ZBTB7C: variants seen among roughly 807,000 people sequenced by gnomAD.
ZBTB7C encodes zinc finger and BTB domain containing 7C.
A neutral mutation model predicts 25.7 loss-of-function variants in ZBTB7C; 8 were observed. The ratio of observed to expected loss-of-function variants is 0.31; its 90% CI spans 0.18 to 0.56. The LOEUF (loss-of-function observed/expected upper bound fraction) is 0.56. Among genes scored for constraint, ZBTB7C ranks in the 20% least tolerant of loss-of-function variants. The pLI is 0.91. For synonymous variants in ZBTB7C, 394 were observed against 369.0 expected (o/e 1.07, Z -0.78); for missense variants, 824 against 855.2 (o/e 0.96, Z 0.46).
At chr18:48,049,906 C>T (rs553533116) in intron 3 of ZBTB7C, among the ~76,000 whole-genome samples, 9 of 152,158 alleles carry the variant, frequency 5.9e-5, no homozygotes, top group Non-Finnish European at 1.3e-4. Context: ...GCAAGCTGGC[C>T]CCAGCCAGCC....
intron 2 of ZBTB7C, among the ~76,000 whole-genome samples, chr18:48,332,620 A>G (rs574552198): frequency 1.4e-5 from 2 of 147,330 alleles, no homozygotes; most frequent in African/African-American, 2.5e-5. Flanking sequence ...CCAAAATTCT[A>G]TCAGTTTACC....
chr18:48,148,740 A>G (rs954300684), intron 3 of ZBTB7C: 1 of 152,222 alleles, frequency 6.6e-6, no homozygotes, highest in Admixed American at 6.5e-5. Flanking sequence ...GAGATTCCTT[A>G]CGAAAAGTTT....
chr18:48,148,773 C>T (rs1025564706), intron 3 of ZBTB7C: 1 of 152,140 alleles, frequency 6.6e-6, no homozygotes, highest in Non-Finnish European at 1.5e-5. Flanking sequence ...TTTAAAAAGG[C>T]CTATGTGATC....
At chr18:48,298,640 C>G (rs563144887) in intron 2 of ZBTB7C, among the ~76,000 whole-genome samples, 6 of 152,226 alleles carry the variant, frequency 3.9e-5, no homozygotes, top group Non-Finnish European at 8.8e-5. Context: ...ACATTTCCAA[C>G]CAAGGCAACT....
rs74625655 is a variant in ZBTB7C at position 48,296,624 on chromosome 18, C to T, written c.-79+41550G>A. On this transcript the variant is annotated intron_variant, in intron 2 of 4. Coordinates refer to ENST00000590800, the MANE Select transcript of ZBTB7C (RefSeq NM_001318841.2). Reference sequence around the variant, plus strand: ...AAGCTCCTCTCCCACAGCACGTTCCCGAGTCTCGGGTGCTCTCCCAATGCC... The same window carrying T: ...AAGCTCCTCTCCCACAGCACGTTCCTGAGTCTCGGGTGCTCTCCCAATGCC... 5.7e-3 allele frequency among the ~76,000 whole-genome samples: 875 copies of T among 152,286 alleles called. 26 individuals carry two copies. The highest frequency in any genetic ancestry group is 0.043 in the East Asian group (224 of 5,168).
At chr18:48,174,957 AC>A (rs1352332625) in intron 3 of ZBTB7C, among the ~76,000 whole-genome samples, 1 of 152,232 alleles carries the variant, frequency 6.6e-6, no homozygotes, top group East Asian at 1.9e-4. Context: ...GCAATGGGTT[AC>A]AGAGGAGAGT....
chr18:48,123,410 G>A (rs1276505772), intron 3 of ZBTB7C, among the ~76,000 whole-genome samples: 2 of 152,364 alleles, frequency 1.3e-5, no homozygotes, highest in South Asian at 2.1e-4. Context: ...CCAAAGTCAC[G>A]CCTTCCAAGA....
At chr18:48,039,497 A>G (rs1436967996) in intron 4 of ZBTB7C, among the ~76,000 whole-genome samples, 2 of 152,234 alleles carry the variant, frequency 1.3e-5, no homozygotes, top group East Asian at 3.8e-4. Context: ...AATAAAGGTC[A>G]GTGGCTGCTT....
At chr18:48,123,257 G>A (rs11082650) in intron 3 of ZBTB7C, among the ~76,000 whole-genome samples, 23,438 of 152,206 alleles carry the variant, frequency 0.15, 1,938 homozygotes, top group South Asian at 0.23. Context: ...GTTTACAAAC[G>A]AATGAGAAAA....
intron 3 of ZBTB7C, among the ~76,000 whole-genome samples, chr18:48,118,317 T>C (rs1270667424): frequency 1.3e-5 from 2 of 152,190 alleles, no homozygotes; most frequent in Non-Finnish European, 2.9e-5. Context: ...GATCAACCTT[T>C]TCTTATATGT....
chr18:48,375,160 C>T (rs974009295), intron 1 of ZBTB7C, among the ~76,000 whole-genome samples: 1 of 152,246 alleles, frequency 6.6e-6, no homozygotes, highest in African/African-American at 2.4e-5. Context: ...TCCCCCTACC[C>T]ACCCTACTTA....
At chr18:48,051,212 G>A (rs775082816) in intron 3 of ZBTB7C, among the ~76,000 whole-genome samples, 1 of 152,338 alleles carries the variant, frequency 6.6e-6, no homozygotes, top group East Asian at 1.9e-4. Flanking sequence ...CAAAAGCCAG[G>A]GTGCGCTTCT....
chr18:48,136,499 T>C (rs1302795723), intron 3 of ZBTB7C, among the ~76,000 whole-genome samples: 3 of 152,220 alleles, frequency 2.0e-5, no homozygotes, highest in African/African-American at 7.2e-5. Context: ...CAAGTTGCCA[T>C]GGCTTTTGTC....
chr18:48,237,364 G>GA (rs397713304), intron 2 of ZBTB7C, among the ~76,000 whole-genome samples: 3 of 150 alleles, frequency 0.02, no homozygotes, highest in African/African-American at 0.056. Flanking sequence ...AAACAGCTGA[G>GA]AACCTAGGAA....
intron 2 of ZBTB7C, among the ~76,000 whole-genome samples, chr18:48,295,593 C>T (rs1367201751): frequency 1.3e-5 from 2 of 151,996 alleles, no homozygotes; most frequent in African/African-American, 4.8e-5. Context: ...ACAATTGACC[C>T]ACCCGCTGCC....
intron 3 of ZBTB7C, among the ~76,000 whole-genome samples, chr18:48,163,135 G>A (rs2041123988): frequency 6.6e-6 from 1 of 152,186 alleles, no homozygotes; most frequent in Admixed American, 6.5e-5. Flanking sequence ...TTATTGGAGA[G>A]GCCCCAAAGA....
intron 3 of ZBTB7C, among the ~76,000 whole-genome samples, chr18:48,065,467 C>T (rs1030231271): frequency 6.6e-6 from 1 of 152,226 alleles, no homozygotes; most frequent in African/African-American, 2.4e-5. Flanking sequence ...TTTTAATATC[C>T]TGCAGAACTG....
intron 2 of ZBTB7C, among the ~76,000 whole-genome samples, chr18:48,282,962 T>C (rs1467510096): frequency 4.6e-5 from 7 of 152,214 alleles, no homozygotes; most frequent in Admixed American, 3.9e-4. Context: ...TGAAAATTCA[T>C]TGAACAATAT....
intron 3 of ZBTB7C, chr18:48,076,855 G>A: frequency 1.2e-6 from 1 of 801,870 alleles, no homozygotes; most frequent in Non-Finnish European, 1.5e-6. Context: ...TAGTCATTAT[G>A]CCCTGCCCAA....
Sources: allele counts gnomAD v4.1 joint callset (sites outside exome capture counted in the v4.1 genomes callset), GRCh38; gene constraint gnomAD v4.1.1; transcripts MANE v1.5; gene names NCBI Gene and HGNC (gene_info 2026-07-23, HGNC 2026-07-21).